The following UBFD1 variants were observed in gnomAD, a reference collection of about 807,000 sequenced individuals.
UBFD1 encodes the protein ubiquitin domain-containing protein UBFD1.
Under a neutral mutation model 35.1 loss-of-function variants are expected in UBFD1, and 12 were observed. That is an observed-to-expected ratio of 0.34 (90% CI 0.22 to 0.55). The LOEUF is 0.55. Among genes scored for constraint, UBFD1 ranks in the 20% least tolerant of loss-of-function variants. The pLI is 0.89. For synonymous variants in UBFD1, 178 were observed against 167.6 expected (o/e 1.06, Z -0.48); for missense variants, 337 against 410.8 (o/e 0.82, Z 1.55).
rs1181246982 is a variant in UBFD1 at position 23,562,280 on chromosome 16, G to C, written c.630+9G>C. The C allele has an allele frequency of 4.3e-6, 7 of 1,613,544 alleles. No individual in the cohort carries two copies. In the South Asian group the frequency reaches 6.6e-5, roughly 15 times the overall value. On this transcript the variant is annotated intron_variant, in intron 4 of 6. Coordinates refer to ENST00000395878, the MANE Select transcript of UBFD1 (RefSeq NM_019116.3). ...CTGTTAAGGGGGCCCAGGTAAGGCG[G>C]ATTTCTTTGTGAGCATTCTGAAAAT...
rs779024667 is a variant in UBFD1 at position 23,558,118 on chromosome 16, C to T, written c.194C>T (p.Pro65Leu). ...GCCCCGGCCCAGCCCCCTGGGGACC[C>T]CGCAGCCCAGGCCTCGGTCAGCAAC... is the stretch of plus-strand genomic sequence containing the variant. Reference protein sequence around the residue: ...QPAPAQPPGDPAAQASVSNGE... With the variant: ...QPAPAQPPGDLAAQASVSNGE... The change falls in exon 2 of 7, where the codon CCC becomes CTC. Residue 65 changes from proline to leucine, a missense_variant. By Grantham distance (98) the Pro-to-Leu change is moderately conservative (BLOSUM62 -3). Around this residue, in one of 4 missense-constraint regions of UBFD1, gnomAD observed 198 missense variants for 168.4 expected, o/e 1.18. Transcript: ENST00000395878. 10 of 1,590,116 alleles carry T rather than the reference C, an allele frequency of 6.3e-6. No homozygotes were observed. The highest frequency in any genetic ancestry group is 5.7e-5 in the South Asian group (5 of 88,424).
At chr16:23,567,967 A>G (rs1471533610) in intron 6 of UBFD1, among the ~76,000 whole-genome samples, 1 of 152,224 alleles carries the variant, frequency 6.6e-6, no homozygotes, top group Non-Finnish European at 1.5e-5. Flanking sequence ...TCCTCTTGCT[A>G]TAGAAAAAAA....
At chr16:23,561,086 C>G (rs559961962) in intron 3 of UBFD1, among the ~76,000 whole-genome samples, 1 of 152,170 alleles carries the variant, frequency 6.6e-6, no homozygotes, top group Non-Finnish European at 1.5e-5. Flanking sequence ...AGGTGTGACT[C>G]GAATTGTACT....
chr16:23,561,131 T>TCA (rs1196645931), intron 3 of UBFD1, among the ~76,000 whole-genome samples: 1 of 152,224 alleles, frequency 6.6e-6, no homozygotes, highest in Non-Finnish European at 1.5e-5. Context: ...TTGAGGCCAA[T>TCA]TATGATGCAT....
At position 23,574,379 on chromosome 16, in the gene UBFD1, T is replaced by C. The variant is rs1360070942; in HGVS notation, c.*3789T>C. ...GTAAGATTAGTCAATCGATTAAAGT[T>C]TGATAATTAATTGCGTCTCTTTTTC... On this transcript the variant is annotated 3_prime_UTR_variant, in exon 7 of 7. Coordinates refer to ENST00000395878, the MANE Select transcript of UBFD1 (RefSeq NM_019116.3). 6.6e-6 allele frequency: 1 copy of C among 152,638 alleles called. No individual in the cohort carries two copies. Among genetic ancestry groups the C allele is most frequent in the Non-Finnish European group, 1.5e-5 (1 of 68,032 alleles). 9.5% of individuals were successfully genotyped at this position (152,638 alleles called of 1,614,324 possible).
chr16:23,565,983 TCTCA>T (rs1454074042), intron 5 of UBFD1: 1 of 152,362 alleles, frequency 6.6e-6, no homozygotes, highest in Non-Finnish European at 1.5e-5. Context: ...GGCAGTCTCA[TCTCA>T]CTCCAGGCAT....
At chr16:23,557,916 C>G (rs766715666) in intron 1 of UBFD1, 34 bp from the exon 2 acceptor site, 1 of 1,292,880 alleles carries the variant, frequency 7.7e-7, no homozygotes, top group African/African-American at 1.5e-5. Context: ...AAGCCCAGCC[C>G]GCGGCGAGCG....
chr16:23,559,807 T>G (rs1433115715), intron 3 of UBFD1, 131 bp downstream of exon 3: 65 of 1,546,850 alleles, frequency 4.2e-5, no homozygotes, highest in Non-Finnish European at 5.5e-5. Context: ...ATGGCAGCAG[T>G]TGGGTGCCGC....
At chr16:23,565,040 C>T (rs1424982011) in intron 5 of UBFD1, 1 of 152,324 alleles carries the variant, frequency 6.6e-6, no homozygotes, top group East Asian at 1.9e-4. Context: ...CCACCCATAG[C>T]ACTGTACCTC....
At chr16:23,557,928 C>T in intron 1 of UBFD1, 22 bp from the exon 2 acceptor site, 7 of 1,309,808 alleles carry the variant, frequency 5.3e-6, no homozygotes, top group Non-Finnish European at 6.8e-6. Context: ...CGGCGAGCGC[C>T]CACCCCCTAA....
chr16:23,562,899 C>T (rs1965958041), intron 5 of UBFD1, among the ~76,000 whole-genome samples, 169 bp downstream of exon 5: 1 of 152,164 alleles, frequency 6.6e-6, no homozygotes, highest in Non-Finnish European at 1.5e-5. Flanking sequence ...TTTGTTTGGA[C>T]CGTTTTCCCT....
In UBFD1 at chr16:23,570,932, A is replaced by G. The variant is rs998036886; in HGVS notation, c.*342A>G. The G allele has an allele frequency of 7.2e-6, 1 of 137,974 alleles. No homozygotes were observed. The highest frequency in any genetic ancestry group is 2.8e-5 in the African/African-American group (1 of 35,690). The allele number at this position is 137,974 out of a possible 1,614,324, so 8.5% of individuals were successfully genotyped here. A position where few individuals can be genotyped will look rare whatever the true frequency, so the allele number is the denominator to read the frequency against. On this transcript the variant is annotated 3_prime_UTR_variant, in exon 7 of 7. Coordinates refer to ENST00000395878, the MANE Select transcript of UBFD1 (RefSeq NM_019116.3). ...AATTATGTTGACAAGGGAATGATCA[A>G]AAGCTTTGTTTTTTTTAAAAAAAAA...
intron 6 of UBFD1, chr16:23,569,043 T>C (rs182678181): frequency 2.9e-4 from 44 of 152,302 alleles, no homozygotes; most frequent in African/African-American, 9.9e-4. Flanking sequence ...AATGACTTAG[T>C]ATTTCATTGA....
intron 4 of UBFD1, 131 bp downstream of exon 4, chr16:23,562,402 C>G (rs1965949654): frequency 1.1e-6 from 1 of 926,046 alleles, no homozygotes. Flanking sequence ...TGCTCTGTCA[C>G]CCAGGCTGGG....
rs187177606 is a variant in UBFD1 at position 23,558,653 on chromosome 16, G to T, written c.355+374G>T. Among the ~76,000 whole-genome samples, 438 of 152,268 alleles carry T rather than the reference G, an allele frequency of 2.9e-3. 1 individual carries two copies. The highest frequency in any genetic ancestry group is 5.1e-3 in the Non-Finnish European group (347 of 68,024). ...AATTTATTTTTAGCAAATATCTTAG[G>T]TAATTCTTCTAAGTGAAGTTTAGGA... is the stretch of plus-strand genomic sequence containing the variant. On this transcript the variant is annotated intron_variant, in intron 2 of 6. Transcript: ENST00000395878.
At chr16:23,558,829 G>A (rs1428145304) in intron 2 of UBFD1, among the ~76,000 whole-genome samples, 1 of 149,752 alleles carries the variant, frequency 6.7e-6, no homozygotes, top group Non-Finnish European at 1.5e-5. Context: ...TGCCCAGGCT[G>A]GAGTGTACTG....
At chr16:23,562,807 T>C in intron 5 of UBFD1, 77 bp downstream of exon 5, 1 of 1,247,902 alleles carries the variant, frequency 8.0e-7, no homozygotes, top group South Asian at 1.2e-5. Flanking sequence ...TAGAGTGCGA[T>C]TTCACCCCTC....
chr16:23,570,237 G>A (rs1405340597), intron 6 of UBFD1, among the ~76,000 whole-genome samples: 1 of 152,118 alleles, frequency 6.6e-6, no homozygotes, highest in Non-Finnish European at 1.5e-5. Flanking sequence ...GTTCCAGCAA[G>A]CCCCCCGGAT....
intron 6 of UBFD1, among the ~76,000 whole-genome samples, chr16:23,567,536 G>T (rs1214332670): frequency 6.6e-6 from 1 of 152,226 alleles, no homozygotes; most frequent in Non-Finnish European, 1.5e-5. Context: ...TGAGGGCCTC[G>T]TGGGGAAGAC....
Sources: gnomAD v4.1 joint callset for allele counts (sites outside exome capture counted in the v4.1 genomes callset) on GRCh38, gnomAD v4.1.1 for gene constraint, gnomAD v4.1.1 regional missense constraint, MANE v1.5 for transcripts, NCBI Gene and HGNC (gene_info 2026-07-23, HGNC 2026-07-21) for gene names.